Variants in NFKB1 observed in about 807,000 individuals in gnomAD.
NFKB1 encodes nuclear factor NF-kappa-B p105 subunit.
NFKB1 carries 9 observed loss-of-function variants against 105.1 expected under a neutral mutation model. That is an observed-to-expected ratio of 0.09 (90% CI 0.05 to 0.15). NFKB1 has a LOEUF of 0.15. NFKB1 is among the 10% of genes least tolerant of loss of function. The pLI is 1.00. For missense variants in NFKB1, 830 were observed against 1,203.7 expected, an observed-to-expected ratio of 0.69 and a Z score of 4.59; for synonymous variants, 440 against 442.2, an observed-to-expected ratio of 1.00 and a Z score of 0.06.
chr4:102,556,471 A>T (rs1021760725), intron 5 of NFKB1, among the ~76,000 whole-genome samples: 10 of 152,150 alleles, frequency 6.6e-5, no homozygotes, highest in Non-Finnish European at 1.3e-4. Context: ...TGCCTTAGCA[A>T]AAGCAGCCAG....
intron 1 of NFKB1, among the ~76,000 whole-genome samples, chr4:102,502,932 G>A (rs181615661): frequency 1.9e-4 from 29 of 152,260 alleles, no homozygotes; most frequent in Admixed American, 1.8e-3. Context: ...TTAGGGTCAA[G>A]ATATTCAATA....
At chr4:102,531,070 T>G (rs1741259737) in intron 3 of NFKB1, among the ~76,000 whole-genome samples, 1 of 152,174 alleles carries the variant, frequency 6.6e-6, no homozygotes, top group Admixed American at 6.5e-5. Context: ...TTTCTTAGTA[T>G]TAATGTATTA....
chr4:102,590,548 A>G (rs915482379), intron 11 of NFKB1, among the ~76,000 whole-genome samples: 17 of 151,704 alleles, frequency 1.1e-4, no homozygotes, highest in African/African-American at 4.1e-4. Flanking sequence ...CATGATTATT[A>G]TATCCATTAT....
intron 5 of NFKB1, among the ~76,000 whole-genome samples, chr4:102,538,827 TCTCA>T (rs1190883392): frequency 6.6e-6 from 1 of 152,188 alleles, no homozygotes; most frequent in African/African-American, 2.4e-5. Context: ...ACAAAATAGT[TCTCA>T]CTATGTGTGT....
At chr4:102,528,972 C>T (rs1297126183) in intron 2 of NFKB1, among the ~76,000 whole-genome samples, 1 of 152,028 alleles carries the variant, frequency 6.6e-6, no homozygotes, top group Non-Finnish European at 1.5e-5. Flanking sequence ...TGCCTGCTTT[C>T]CCTGTGCACC....
chr4:102,617,285 A>G lies in NFKB1; in HGVS notation c.*691A>G, dbSNP rs1729025989. 1 of 152,760 alleles carries G rather than the reference A, an allele frequency of 6.5e-6. No homozygotes were observed. The highest frequency in any genetic ancestry group is 2.4e-5 in the African/African-American group (1 of 41,446). The allele number at this position is 152,760 out of a possible 1,614,324, so 9.5% of individuals were successfully genotyped here. On this transcript the variant is annotated 3_prime_UTR_variant, in exon 24 of 24. Coordinates refer to ENST00000226574, the MANE Select transcript of NFKB1 (RefSeq NM_003998.4). ...ATTTTACTTTTATAATAAAAGGAAA[A>G]GCAAATTGATGACCTCACCTTGTTT...
At chr4:102,539,782 T>C (rs569555438) in intron 5 of NFKB1, among the ~76,000 whole-genome samples, 12 of 152,318 alleles carry the variant, frequency 7.9e-5, no homozygotes, top group Non-Finnish European at 1.5e-4. Flanking sequence ...GACTAGTGGC[T>C]CTATATCCTG....
intron 15 of NFKB1, among the ~76,000 whole-genome samples, chr4:102,599,085 T>G (rs1726903282): frequency 1.3e-5 from 2 of 152,128 alleles, no homozygotes; most frequent in Admixed American, 1.3e-4. Flanking sequence ...GAAAAATATA[T>G]AAAACTTCTG....
At chr4:102,511,496 G>A (rs1283875235) in intron 1 of NFKB1, among the ~76,000 whole-genome samples, 2 of 151,990 alleles carry the variant, frequency 1.3e-5, no homozygotes, top group East Asian at 1.9e-4. Context: ...ACAAAATAGC[G>A]AGACCCCAGT....
chr4:102,601,424 T>C (rs929860348), intron 16 of NFKB1, among the ~76,000 whole-genome samples: 3 of 152,252 alleles, frequency 2.0e-5, no homozygotes, highest in Non-Finnish European at 2.9e-5. Context: ...ATTAAATGTA[T>C]ATCAAATGAA....
intron 11 of NFKB1, among the ~76,000 whole-genome samples, chr4:102,586,750 A>G (rs1219033119): frequency 6.6e-6 from 1 of 152,174 alleles, no homozygotes; most frequent in Admixed American, 6.5e-5. Context: ...GAGGGAAGTG[A>G]GACTGGGAAG....
intron 14 of NFKB1, among the ~76,000 whole-genome samples, 177 bp from the exon 15 acceptor site, chr4:102,597,343 T>C (rs542032724): frequency 8.8e-4 from 134 of 152,352 alleles, no homozygotes; most frequent in African/African-American, 3.1e-3. Context: ...AGTGACCCAG[T>C]GTCCAATTCT....
intron 18 of NFKB1, 143 bp downstream of exon 18, chr4:102,607,462 C>T: frequency 1.8e-6 from 2 of 1,094,506 alleles, no homozygotes; most frequent in Admixed American, 2.2e-5. Context: ...TTCAGAGTAC[C>T]ACCTTTAGAC....
chr4:102,599,657 G>T (rs183785435), intron 15 of NFKB1, among the ~76,000 whole-genome samples: 1 of 152,166 alleles, frequency 6.6e-6, no homozygotes, highest in Admixed American at 6.6e-5. Context: ...AGTAAGACAG[G>T]CCTGGGCTTG....
intron 5 of NFKB1, among the ~76,000 whole-genome samples, chr4:102,552,647 A>G (rs1463872776): frequency 6.6e-6 from 1 of 152,206 alleles, no homozygotes; most frequent in African/African-American, 2.4e-5. Context: ...CAGATCCCCC[A>G]AAATAATAGA....
intron 1 of NFKB1, among the ~76,000 whole-genome samples, chr4:102,511,817 G>A (rs17032705): frequency 0.37 from 56,295 of 152,098 alleles, 10,716 homozygotes; most frequent in Admixed American, 0.46. Flanking sequence ...GTTTAACCTA[G>A]TGGGTGGTCA....
chr4:102,609,334 G>A (rs904660272), intron 19 of NFKB1, among the ~76,000 whole-genome samples: 6 of 151,720 alleles, frequency 4.0e-5, no homozygotes, highest in Admixed American at 2.6e-4. Flanking sequence ...AGTTAAGTCC[G>A]AGTGTGGTGG....
intron 6 of NFKB1, 34 bp downstream of exon 6, chr4:102,567,169 G>A: frequency 1.2e-6 from 2 of 1,602,566 alleles, no homozygotes; most frequent in East Asian, 4.5e-5. Context: ...TGGAAGGTAG[G>A]AACAGATAGA....
At chr4:102,567,808 A>G (rs1171893844) in intron 6 of NFKB1, among the ~76,000 whole-genome samples, 26 of 152,054 alleles carry the variant, frequency 1.7e-4, no homozygotes, top group Admixed American at 1.6e-3. Flanking sequence ...TAAATAAGAC[A>G]TATTTATTGT....
Sources: allele counts gnomAD v4.1 joint callset (sites outside exome capture counted in the v4.1 genomes callset), GRCh38; gene constraint gnomAD v4.1.1; transcripts MANE v1.5; gene names NCBI Gene and HGNC (gene_info 2026-07-23, HGNC 2026-07-21).